Variants in MGRN1 observed in about 807,000 individuals in gnomAD.
MGRN1 encodes the protein mahogunin ring finger 1.
In MGRN1, 29 loss-of-function variants were observed where a neutral mutation model predicts 69.2. The ratio of observed to expected loss-of-function variants is 0.42; its 90% confidence interval spans 0.31 to 0.57. The LOEUF (loss-of-function observed/expected upper bound fraction) is 0.57, where lower values mean the gene tolerates loss of function less well. Among genes scored for constraint, MGRN1 ranks in the 20% least tolerant of loss-of-function variants. The pLI is 0.15. For synonymous variants in MGRN1, 470 were observed against 344.2 expected (o/e 1.37, Z -4.04); for missense variants, 998 against 796.2 (o/e 1.25, Z -3.05).
chr16:4,644,250 C>A (rs2078226879), intron 1 of MGRN1, among the ~76,000 whole-genome samples: 1 of 151,866 alleles, frequency 6.6e-6, no homozygotes, highest in African/African-American at 2.4e-5. Flanking sequence ...CCTCAGCCTC[C>A]CAAAGTGCTG....
At chr16:4,681,468 TG>T in intron 12 of MGRN1, 81 bp from the exon 13 acceptor site, 1 of 1,335,428 alleles carries the variant, frequency 7.5e-7, no homozygotes, top group Non-Finnish European at 1.0e-6. Context: ...AAGAACAGAG[TG>T]GACAGGAGGT....
intron 16 of MGRN1, chr16:4,687,600 C>CACACACACACACAG (rs1271563292): frequency 1.0e-6 from 1 of 985,050 alleles, no homozygotes; most frequent in Non-Finnish European, 1.2e-6. Flanking sequence ...CACACACACA[C>CACACACACACACAG]ACACACACGG....
intron 7 of MGRN1, 84 bp downstream of exon 7, chr16:4,665,235 G>A: frequency 6.8e-7 from 1 of 1,479,342 alleles, no homozygotes; most frequent in South Asian, 1.2e-5. Flanking sequence ...CCTGAGCAGG[G>A]GCTGGGGCTT....
chr16:4,648,321 G>A (rs1245935278), intron 1 of MGRN1, among the ~76,000 whole-genome samples: 1 of 140,334 alleles, frequency 7.1e-6, no homozygotes, highest in East Asian at 2.1e-4. Context: ...TCTTCCCGTG[G>A]TCACCCGGCT....
At chr16:4,672,098 G>T (rs1257435555) in intron 9 of MGRN1, among the ~76,000 whole-genome samples, 1 of 152,108 alleles carries the variant, frequency 6.6e-6, no homozygotes, top group Non-Finnish European at 1.5e-5. Context: ...TAGCGACGGG[G>T]TTTCACCATG....
At chr16:4,666,162 C>T (rs1449430486) in intron 7 of MGRN1, among the ~76,000 whole-genome samples, 1 of 151,950 alleles carries the variant, frequency 6.6e-6, no homozygotes, top group Admixed American at 6.6e-5. Flanking sequence ...GGGTCTCGCT[C>T]TGTTGCCCAG....
chr16:4,672,430 A>G (rs1256398682), intron 9 of MGRN1: 1 of 456,746 alleles, frequency 2.2e-6, no homozygotes, highest in South Asian at 1.5e-5. Context: ...GGCCCGCTTC[A>G]TTATGGCATC....
At chr16:4,658,661 T>C (rs2078607968) in intron 5 of MGRN1, among the ~76,000 whole-genome samples, 3 of 151,922 alleles carry the variant, frequency 2.0e-5, no homozygotes, top group Admixed American at 6.6e-5. Flanking sequence ...TGTGGCTGTG[T>C]TCCTGACGTT....
chr16:4,674,216 T>G (rs2079003771), intron 10 of MGRN1, among the ~76,000 whole-genome samples: 1 of 152,218 alleles, frequency 6.6e-6, no homozygotes, highest in South Asian at 2.1e-4. Context: ...ACTCCTGGCC[T>G]CAAGTAATCT....
intron 1 of MGRN1, among the ~76,000 whole-genome samples, chr16:4,646,279 A>C (rs1366736332): frequency 6.6e-6 from 1 of 152,122 alleles, no homozygotes; most frequent in Non-Finnish European, 1.5e-5. Flanking sequence ...AAAAATAAAC[A>C]AAAATGAGCC....
At chr16:4,657,710 T>C (rs1402780308) in intron 5 of MGRN1, among the ~76,000 whole-genome samples, 1 of 151,850 alleles carries the variant, frequency 6.6e-6, no homozygotes, top group Non-Finnish European at 1.5e-5. Flanking sequence ...TTAACCTTAC[T>C]TTTGTTTAAA....
At chr16:4,671,636 C>T (rs1011486505) in intron 9 of MGRN1, among the ~76,000 whole-genome samples, 177 bp downstream of exon 9, 1 of 152,120 alleles carries the variant, frequency 6.6e-6, no homozygotes, top group Non-Finnish European at 1.5e-5. Flanking sequence ...ACATTTTATC[C>T]TTTCTCCAGC....
At chr16:4,629,570 C>T (rs577586722) in intron 1 of MGRN1, among the ~76,000 whole-genome samples, 1 of 151,838 alleles carries the variant, frequency 6.6e-6, no homozygotes, top group Non-Finnish European at 1.5e-5. Flanking sequence ...GAAACCCCAT[C>T]TCTACTAAAA....
intron 11 of MGRN1, among the ~76,000 whole-genome samples, chr16:4,679,244 T>G (rs2079122373): frequency 6.6e-6 from 1 of 152,200 alleles, no homozygotes; most frequent in South Asian, 2.1e-4. Context: ...CTAGGTTTAT[T>G]GTCCCTTGTT....
intron 1 of MGRN1, among the ~76,000 whole-genome samples, chr16:4,644,438 G>A (rs2078232778): frequency 6.6e-6 from 1 of 151,056 alleles, no homozygotes; most frequent in African/African-American, 2.4e-5. Flanking sequence ...AGCCTCCCAA[G>A]TAGCTGGGAT....
intron 5 of MGRN1, chr16:4,664,354 G>A: frequency 3.1e-6 from 1 of 326,990 alleles, no homozygotes; most frequent in African/African-American, 2.1e-5. Flanking sequence ...CCGGGGGCTG[G>A]AGGAGGGGAT....
intron 1 of MGRN1, among the ~76,000 whole-genome samples, chr16:4,629,255 T>C (rs944669032): frequency 5.3e-5 from 8 of 152,036 alleles, no homozygotes; most frequent in Admixed American, 3.9e-4. Context: ...CTTACGGAGT[T>C]GTAACAAAGA....
intron 16 of MGRN1, chr16:4,688,565 T>C: frequency 7.8e-7 from 1 of 1,286,386 alleles, no homozygotes; most frequent in Non-Finnish European, 9.9e-7. Context: ...GCTGTGGGTG[T>C]CCGGGGATCT....
Position 4,652,836 on chromosome 16 carries a change from G to T in MGRN1, c.443+12G>T. ...AACGGCAGGGCAGTGTGAGTCCCGC[G>T]GGCGGCTGGCACCGGCCTGGCTGGG... On this transcript the variant is annotated intron_variant, in intron 4 of 16. Coordinates refer to ENST00000262370, the MANE Select transcript of MGRN1 (RefSeq NM_015246.4). 6.3e-7 allele frequency: 1 copy of T among 1,587,044 alleles called. No homozygotes were observed. Among genetic ancestry groups the T allele is most frequent in the South Asian group, 1.1e-5 (1 of 88,046 alleles).
Sources: gnomAD v4.1 joint callset for allele counts (sites outside exome capture counted in the v4.1 genomes callset) on GRCh38, gnomAD v4.1.1 for gene constraint, MANE v1.5 for transcripts, NCBI Gene and HGNC (gene_info 2026-07-23, HGNC 2026-07-21) for gene names.